The following ARIH1 variants were observed in gnomAD, a reference collection of about 807,000 sequenced individuals.
The protein encoded by ARIH1 is E3 ubiquitin-protein ligase ARIH1.
Under a neutral mutation model 85.0 loss-of-function variants are expected in ARIH1, and 8 were observed. The observed-to-expected ratio is 0.09, with a 90% CI of 0.06 to 0.17. ARIH1 has a LOEUF of 0.17. Among genes scored for constraint, ARIH1 ranks in the 10% least tolerant of loss-of-function variants. ARIH1 has a pLI of 1.00. For missense variants in ARIH1, 311 were observed against 718.1 expected (o/e 0.43, Z 6.48); for synonymous variants, 238 against 253.6 (o/e 0.94, Z 0.59).
In ARIH1 at chr15:72,506,354, AAAAAAAAAAAAG is replaced by A. The variant is rs1321589219; in HGVS notation, c.376-11698_376-11687del. On this transcript the variant is annotated intron_variant, in intron 1 of 13. Transcript: ENST00000379887. ...GACAGAGCAAGACTCCGTCTCACAA[AAAAAAAAAAAAG>A]AAAAAAAAAAAGAACTTAGTCATTG... 1.0e-3 allele frequency among the ~76,000 whole-genome samples: 153 copies of A among 148,396 alleles called. 3 individuals are homozygous for A. Among genetic ancestry groups the A allele is most frequent in the African/African-American group, 2.9e-3 (119 of 40,906 alleles).
At chr15:72,530,215 A>G (rs1430266750) in intron 2 of ARIH1, among the ~76,000 whole-genome samples, 1 of 152,238 alleles carries the variant, frequency 6.6e-6, no homozygotes. Context: ...CATGTTTGAA[A>G]AGTAAGATTA....
intron 3 of ARIH1, among the ~76,000 whole-genome samples, chr15:72,553,739 A>G (rs960965639): frequency 8.7e-4 from 133 of 152,332 alleles, no homozygotes; most frequent in South Asian, 1.5e-3. Context: ...CAATATGGTG[A>G]AACCCTGTTT....
At chr15:72,527,518 C>G (rs1161630616) in intron 2 of ARIH1, among the ~76,000 whole-genome samples, 1 of 150,328 alleles carries the variant, frequency 6.7e-6, no homozygotes, top group African/African-American at 2.5e-5. Context: ...TTTTTTTTAT[C>G]TCCGTATCCT....
At chr15:72,532,380 A>G (rs1321596363) in intron 2 of ARIH1, among the ~76,000 whole-genome samples, 1 of 152,148 alleles carries the variant, frequency 6.6e-6, no homozygotes, top group Non-Finnish European at 1.5e-5. Context: ...AAACTGACAT[A>G]AGAAATAGTA....
chr15:72,513,097 TAA>T (rs995603493), intron 1 of ARIH1, among the ~76,000 whole-genome samples: 3 of 152,122 alleles, frequency 2.0e-5, no homozygotes, highest in African/African-American at 7.2e-5. Context: ...TTGCCCTTTT[TAA>T]AAAAAAGATC....
rs1397855014 is a variant in ARIH1, at chr15:72,588,415, T to G, written c.*5123T>G. 1 of 152,222 alleles carries G rather than the reference T, an allele frequency of 6.6e-6. No individual in the cohort carries two copies. Among genetic ancestry groups the G allele is most frequent in the Non-Finnish European group, 1.5e-5 (1 of 68,050 alleles). The allele number at this position is 152,222 out of a possible 1,614,324, so 9.4% of individuals were successfully genotyped here. On this transcript the variant is annotated 3_prime_UTR_variant, in exon 14 of 14. Coordinates refer to ENST00000379887, the MANE Select transcript of ARIH1 (RefSeq NM_005744.5). ...AAATATTAGTGCCTGAGTGTTACTT[T>G]ATGGAGATTATGATTTAATTGCTTT...
chr15:72,526,546 A>AC (rs2064029246), intron 2 of ARIH1, among the ~76,000 whole-genome samples: 3 of 152,182 alleles, frequency 2.0e-5, no homozygotes, highest in Admixed American at 6.5e-5. Context: ...CCTGGGCAAC[A>AC]CAGTGAGACT....
intron 12 of ARIH1, 113 bp from the exon 13 acceptor site, chr15:72,581,962 T>A (rs1157073291): frequency 1.5e-6 from 1 of 655,696 alleles, no homozygotes; most frequent in Admixed American, 2.8e-5. Context: ...TTAAACCACC[T>A]ATGAAAGTTA....
intron 3 of ARIH1, among the ~76,000 whole-genome samples, chr15:72,552,777 G>GT (rs1167993396): frequency 0.052 from 7,204 of 139,760 alleles, 498 homozygotes; most frequent in African/African-American, 0.16. Context: ...AGGGAGGCCT[G>GT]TTTTTTTTTT....
chr15:72,483,569 T>C (rs1218472723), intron 1 of ARIH1, among the ~76,000 whole-genome samples: 6 of 152,198 alleles, frequency 3.9e-5, no homozygotes, highest in Non-Finnish European at 7.3e-5. Flanking sequence ...TGTTAAGAGG[T>C]AAATTACAGC....
rs1027211532 is a variant in ARIH1, at chr15:72,588,186, G to A, written c.*4894G>A. ...GAAATAGAGTACCCTGGAGTAGATG[G>A]GCTCTGAGAGGAGCCTGTGAAATCC... On this transcript the variant is annotated 3_prime_UTR_variant, in exon 14 of 14. Coordinates refer to ENST00000379887, the MANE Select transcript of ARIH1 (RefSeq NM_005744.5). 1 of 152,080 alleles carries A rather than the reference G, an allele frequency of 6.6e-6. No homozygotes were observed. The allele number at this position is 152,080 out of a possible 1,614,324, so 9.4% of individuals were successfully genotyped here. A position where few individuals can be genotyped will look rare whatever the true frequency, so the allele number is the denominator to read the frequency against.
intron 2 of ARIH1, among the ~76,000 whole-genome samples, chr15:72,533,471 A>G (rs2064067355): frequency 6.6e-6 from 1 of 152,364 alleles, no homozygotes; most frequent in Admixed American, 6.5e-5. Flanking sequence ...TTCACAAACA[A>G]TGTGATTGTA....
At chr15:72,487,459 T>C (rs2063842072) in intron 1 of ARIH1, among the ~76,000 whole-genome samples, 1 of 152,234 alleles carries the variant, frequency 6.6e-6, no homozygotes, top group Non-Finnish European at 1.5e-5. Context: ...TATTTATAAG[T>C]GAAAGCCTCT....
chr15:72,492,716 T>C (rs550834954), intron 1 of ARIH1, among the ~76,000 whole-genome samples: 3 of 152,214 alleles, frequency 2.0e-5, no homozygotes, highest in Non-Finnish European at 4.4e-5. Context: ...TCTAATTGTA[T>C]TGCATTAATA....
At chr15:72,526,860 C>CT (rs58241698) in intron 2 of ARIH1, among the ~76,000 whole-genome samples, 5,796 of 138,100 alleles carry the variant, frequency 0.042, 210 homozygotes, top group Admixed American at 0.075. Context: ...CTGTCTAATG[C>CT]TTTTTTTTTT....
At chr15:72,491,692 T>C (rs1165960206) in intron 1 of ARIH1, among the ~76,000 whole-genome samples, 1 of 152,234 alleles carries the variant, frequency 6.6e-6, no homozygotes, top group East Asian at 1.9e-4. Flanking sequence ...TCTAACATAC[T>C]ACTTTTTGCT....
intron 2 of ARIH1, among the ~76,000 whole-genome samples, chr15:72,525,960 A>G (rs1384618522): frequency 1.3e-5 from 2 of 152,108 alleles, no homozygotes; most frequent in African/African-American, 4.8e-5. Context: ...TTTGCATATA[A>G]AAATTGAGGT....
At chr15:72,568,468 T>C (rs1172377342) in intron 9 of ARIH1, among the ~76,000 whole-genome samples, 2 of 152,194 alleles carry the variant, frequency 1.3e-5, no homozygotes, top group Non-Finnish European at 2.9e-5. Context: ...ATGTTTAAAA[T>C]AGGGAGTACA....
At chr15:72,518,181 G>A (rs1305161189) in intron 2 of ARIH1, 47 bp downstream of exon 2, 1 of 1,502,160 alleles carries the variant, frequency 6.7e-7, no homozygotes, top group South Asian at 1.2e-5. Flanking sequence ...AACACAGAAA[G>A]CCTATTGAAC....
Sources: allele counts gnomAD v4.1 joint callset (sites outside exome capture counted in the v4.1 genomes callset), GRCh38; gene constraint gnomAD v4.1.1; transcripts MANE v1.5; gene names NCBI Gene and HGNC (gene_info 2026-07-23, HGNC 2026-07-21).